The following GPAM variants were observed in gnomAD, a reference collection of about 807,000 sequenced individuals.
GPAM encodes the protein glycerol-3-phosphate acyltransferase 1, mitochondrial.
A neutral mutation model predicts 105.0 loss-of-function variants in GPAM; 56 were observed. The observed-to-expected ratio is 0.53, with a 90% confidence interval of 0.43 to 0.67. GPAM has a LOEUF of 0.67. GPAM is among the 30% of genes least tolerant of loss of function. The pLI is 0.00. For synonymous variants in GPAM, 368 were observed against 354.4 expected (o/e 1.04, Z -0.43); for missense variants, 855 against 989.8 (o/e 0.86, Z 1.83).
chr10:112,202,107 T>A (rs1431681415), intron 1 of GPAM, among the ~76,000 whole-genome samples: 1 of 152,162 alleles, frequency 6.6e-6, no homozygotes, highest in African/African-American at 2.4e-5. Flanking sequence ...CAACACTCAT[T>A]CTCTAAGTCA....
intron 1 of GPAM, among the ~76,000 whole-genome samples, chr10:112,199,184 G>A (rs1445646393): frequency 1.3e-5 from 2 of 151,810 alleles, no homozygotes; most frequent in Non-Finnish European, 2.9e-5. Context: ...TCAAACTCCT[G>A]AGCTCAGGCA....
In GPAM at chr10:112,151,420, T is replaced by C. The variant is rs1479083558; in HGVS notation, c.*2130A>G. 9.1e-6 allele frequency: 9 copies of C among 985,672 alleles called. No individual in the cohort carries two copies. The Admixed American group carries it at 2.5e-4, about 27-fold the overall frequency. The allele number at this position is 985,672 out of a possible 1,614,324, so 61.1% of individuals were successfully genotyped here. ...CTTGTCTGGATGAGCATAACTTTGG[T>C]TGAGATTTTTCTCCCTTAAAAAAGA... On this transcript the variant is annotated 3_prime_UTR_variant, in exon 22 of 22. Transcript: ENST00000348367.
intron 17 of GPAM, among the ~76,000 whole-genome samples, chr10:112,159,211 A>ATT (rs1847076016): frequency 1.1e-5 from 1 of 93,750 alleles, no homozygotes; most frequent in African/African-American, 4.0e-5. Flanking sequence ...TGAGCAGATG[A>ATT]TTTTCTTTTT....
At chr10:112,156,216 C>A in intron 19 of GPAM, 163 bp from the exon 20 acceptor site, 6 of 656,474 alleles carry the variant, frequency 9.1e-6, no homozygotes, top group East Asian at 5.5e-5. Flanking sequence ...AGAATCTCTG[C>A]TGGAAACAAC....
the GPAM span, among the ~76,000 whole-genome samples, chr10:112,225,151 C>T: frequency 6.6e-6 from 1 of 152,168 alleles, no homozygotes; most frequent in Non-Finnish European, 1.5e-5. Context: ...TGGATTTCAG[C>T]TTCTGGTCTA....
rs554454617 is a variant in GPAM at position 112,193,597 on chromosome 10, G to T, written n.211-10706C>A. Among the ~76,000 whole-genome samples the T allele has an allele frequency of 2.0e-5, 3 of 152,178 alleles. No individual in the cohort carries two copies. In the East Asian group the frequency reaches 5.8e-4, roughly 29 times the overall value. On this transcript the variant is annotated intron_variant and non_coding_transcript_variant, in intron 1 of 3. Transcript: ENST00000480130. ...ATGGGGAAACTGAGGCACCAGGAGA[G>T]GTCAGAATCTGTAAAGTGGCAGAAA...
intron 1 of GPAM, among the ~76,000 whole-genome samples, chr10:112,198,591 C>A (rs1023050075): frequency 3.9e-5 from 6 of 152,116 alleles, no homozygotes; most frequent in African/African-American, 1.4e-4. Flanking sequence ...TGCAGTACAG[C>A]TATTATGGAA....
chr10:112,172,124 T>G (rs1219932037), intron 9 of GPAM, 58 bp downstream of exon 9: 2 of 1,313,172 alleles, frequency 1.5e-6, no homozygotes, highest in African/African-American at 1.5e-5. Flanking sequence ...ATTTAAAAAA[T>G]TAAAATTCAA....
At position 112,164,579 on chromosome 10, in the gene GPAM, A is replaced by G; in HGVS notation, c.1253T>C (p.Val418Ala). 6.2e-7 allele frequency: 1 copy of G among 1,606,608 alleles called. No homozygotes were observed. ...EYLESQSQKP[V>A]SALLSLEQAL... ...TTGCTCCAGGGAAAGTAGAGCAGAC[A>G]CCGGTTTCTGACTTTGGCTTTCTAA... The change falls in exon 13 of 22, where the codon GTG (valine) becomes GCG (alanine). Residue 418 changes from valine to alanine, a missense_variant. Val to Ala is a moderately conservative substitution (Grantham distance 64). Transcript: ENST00000348367.
intron 1 of GPAM, among the ~76,000 whole-genome samples, chr10:112,191,377 T>C (rs1015392494): frequency 2.6e-5 from 4 of 152,102 alleles, no homozygotes; most frequent in African/African-American, 9.7e-5. Context: ...CGGTGGGAAC[T>C]AGGTAGTATT....
chr10:112,175,059 T>G (rs1038933070), intron 6 of GPAM, among the ~76,000 whole-genome samples: 3 of 152,044 alleles, frequency 2.0e-5, no homozygotes, highest in Non-Finnish European at 2.9e-5. Flanking sequence ...TCACCCAAAC[T>G]CCCATATTCT....
upstream of GPAM, among the ~76,000 whole-genome samples, chr10:112,219,516 A>C (rs566997050): frequency 6.6e-6 from 1 of 152,288 alleles, no homozygotes; most frequent in South Asian, 2.1e-4. Context: ...TACTTACAGA[A>C]CTCAGTACAT....
chr10:112,196,587 A>C (rs552534132), intron 1 of GPAM, among the ~76,000 whole-genome samples: 7 of 152,340 alleles, frequency 4.6e-5, no homozygotes, highest in African/African-American at 1.4e-4. Context: ...ACCTTATATA[A>C]AGCAAAACCT....
At chr10:112,166,050 A>G (rs1209657662) in intron 12 of GPAM, among the ~76,000 whole-genome samples, 1 of 152,166 alleles carries the variant, frequency 6.6e-6, no homozygotes, top group African/African-American at 2.4e-5. Context: ...TTATTTTGAA[A>G]TATACAATAA....
chr10:112,188,993 C>G (rs189411901), intron 1 of GPAM, among the ~76,000 whole-genome samples: 2 of 152,168 alleles, frequency 1.3e-5, no homozygotes, highest in Non-Finnish European at 2.9e-5. Flanking sequence ...TCAGACTGAT[C>G]CAGATTCGTT....
Position 112,160,046 on chromosome 10 carries a change from G to T in GPAM, c.1767C>A (p.Ser589Arg), listed in dbSNP as rs762478618. 6.2e-7 allele frequency: 1 copy of T among 1,613,996 alleles called. No homozygotes were observed. Among genetic ancestry groups the T allele is most frequent in the Non-Finnish European group, 8.5e-7 (1 of 1,179,918 alleles). Residue 589 changes from serine (S) to arginine (R), a missense_variant, in exon 17 of 22, where the codon AGC (serine) becomes AGA (arginine). By Grantham distance (110) the Ser-to-Arg change is moderately radical. Transcript: ENST00000348367. ...CCCTCTTGTTCAGAACTGCATAAAG[G>T]CTGCAAGCTAAGAAAAGAAAAGCAA... is the stretch of plus-strand genomic sequence containing the variant. The part of the protein sequence containing the change: ...VFIMEAIIAC[S>R]LYAVLNKRGL...
chr10:112,181,294 AT>A (rs1367619617), intron 3 of GPAM, among the ~76,000 whole-genome samples: 4 of 152,020 alleles, frequency 2.6e-5, no homozygotes, highest in Admixed American at 2.0e-4. Context: ...CGCCTTTTGG[AT>A]TGAATTCATA....
At chr10:112,166,119 A>G (rs1847211574) in intron 12 of GPAM, among the ~76,000 whole-genome samples, 1 of 152,034 alleles carries the variant, frequency 6.6e-6, no homozygotes, top group Non-Finnish European at 1.5e-5. Flanking sequence ...TATTCCTTCT[A>G]CCTGTTTTTT....
At chr10:112,161,594 G>GA in intron 15 of GPAM, 73 bp downstream of exon 15, 11 of 1,254,250 alleles carry the variant, frequency 8.8e-6, no homozygotes, top group Non-Finnish European at 1.2e-5. Context: ...ATCTGCCCCT[G>GA]AGTATGTATC....
Sources: allele counts gnomAD v4.1 joint callset (sites outside exome capture counted in the v4.1 genomes callset), GRCh38; gene constraint gnomAD v4.1.1; transcripts MANE v1.5; gene names NCBI Gene and HGNC (gene_info 2026-07-23, HGNC 2026-07-21).